CATSPERD: variants seen among roughly 807,000 people sequenced by gnomAD.
CATSPERD encodes cation channel sperm-associated auxiliary subunit delta.
CATSPERD carries 86 observed loss-of-function variants against 98.1 expected under a neutral mutation model. The observed-to-expected ratio is 0.88, with a 90% CI of 0.74 to 1.05. The LOEUF (loss-of-function observed/expected upper bound fraction) is 1.05. Among genes scored for constraint, CATSPERD ranks in the 50% least tolerant of loss-of-function variants. The pLI, the probability that CATSPERD is intolerant of heterozygous loss-of-function variation, is 0.00. For missense variants in CATSPERD, 995 were observed against 1,005.7 expected (o/e 0.99, Z 0.14); for synonymous variants, 394 against 390.2 (o/e 1.01, Z -0.12).
chr19:5,742,616 C>G (rs970729001), intron 7 of CATSPERD, among the ~76,000 whole-genome samples: 4 of 151,784 alleles, frequency 2.6e-5, no homozygotes, highest in South Asian at 2.1e-4. Flanking sequence ...ACCCACCCCC[C>G]ACCATATCTA....
At chr19:5,746,417 G>C (rs574090782) in intron 9 of CATSPERD, among the ~76,000 whole-genome samples, 1 of 148,762 alleles carries the variant, frequency 6.7e-6, no homozygotes, top group Admixed American at 6.9e-5. Context: ...AGGAGGCTTC[G>C]TATTTAACAT....
chr19:5,770,921 C>G (rs753409290), intron 18 of CATSPERD, 23 bp from the exon 19 acceptor site: 4 of 1,589,286 alleles, frequency 2.5e-6, no homozygotes, highest in Admixed American at 3.6e-5. Context: ...GACTCCCCAT[C>G]TCTGCTTCTT....
Position 5,730,985 on chromosome 19 carries a change from G to C in CATSPERD, c.276+1041G>C, listed in dbSNP as rs767647038. 9.0e-4 allele frequency among the ~76,000 whole-genome samples: 136 copies of C among 151,104 alleles called. 2 individuals carry two copies. The highest frequency in any genetic ancestry group is 4.0e-4 in the Non-Finnish European group (27 of 67,752). ...CACTGCACTCCAACCCCAGCTATTC[G>C]GGAGGCTGAGGCAGGAGAATGGCAT... On this transcript the variant is annotated intron_variant, in intron 4 of 21. Transcript: ENST00000381624.
chr19:5,769,915 C>T (rs2056613214), intron 18 of CATSPERD, among the ~76,000 whole-genome samples: 1 of 151,484 alleles, frequency 6.6e-6, no homozygotes, highest in African/African-American at 2.4e-5. Flanking sequence ...ATGGTGAAAT[C>T]CCGTCTCTAC....
intron 11 of CATSPERD, among the ~76,000 whole-genome samples, chr19:5,750,273 C>T (rs867085361): frequency 1.1e-4 from 16 of 147,896 alleles, no homozygotes; most frequent in South Asian, 2.2e-4. Context: ...ACGGTGAAAC[C>T]CCGTCTCTAC....
rs2145838227 is a variant in CATSPERD, at chr19:5,765,007, C to T, written c.1507-1096C>T. 2.6e-5 allele frequency among the ~76,000 whole-genome samples: 4 copies of T among 152,038 alleles called. No individual in the cohort carries two copies. In the South Asian group the frequency reaches 8.3e-4, roughly 32 times the overall value. On this transcript the variant is annotated intron_variant, in intron 16 of 21. Transcript: ENST00000381624. ...CTCACTGCAGCCTCAACCTTCTAGG[C>T]TCAAGTGATCTTCCTGCCTCAGCCT...
chr19:5,733,058 A>T (rs1029060169), intron 4 of CATSPERD, among the ~76,000 whole-genome samples: 1 of 150,854 alleles, frequency 6.6e-6, no homozygotes, highest in Admixed American at 6.6e-5. Context: ...CTGTAGTGCA[A>T]TCTCGGCTCA....
At chr19:5,776,463 T>A in intron 21 of CATSPERD, 148 bp downstream of exon 21, 1 of 857,512 alleles carries the variant, frequency 1.2e-6, no homozygotes, top group South Asian at 1.7e-5. Flanking sequence ...TTTTAAGTTC[T>A]GGGTGACATT....
chr19:5,769,332 G>T (rs959594660), intron 18 of CATSPERD, among the ~76,000 whole-genome samples: 33 of 151,608 alleles, frequency 2.2e-4, no homozygotes, highest in African/African-American at 8.0e-4. Context: ...GTGGGATGGG[G>T]GGAGGAGGTG....
chr19:5,758,770 A>C (rs145466085), intron 14 of CATSPERD, among the ~76,000 whole-genome samples: 12 of 151,220 alleles, frequency 7.9e-5, no homozygotes, highest in Admixed American at 2.6e-4. Flanking sequence ...AAAAAAAGGC[A>C]AACATTAGCC....
At chr19:5,767,173 C>T (rs1350885345) in intron 17 of CATSPERD, among the ~76,000 whole-genome samples, 2 of 150,400 alleles carry the variant, frequency 1.3e-5, no homozygotes, top group East Asian at 2.1e-4. Flanking sequence ...AAAAATTAGC[C>T]GGGCGCATTG....
intron 2 of CATSPERD, among the ~76,000 whole-genome samples, chr19:5,726,968 T>G (rs1188529706): frequency 6.6e-6 from 1 of 151,882 alleles, no homozygotes; most frequent in African/African-American, 2.4e-5. Flanking sequence ...CCAAGGCAGG[T>G]GGATCACAAG....
rs1264091337 is a variant in CATSPERD, at chr19:5,742,279, CGT to C, written c.574-2140_574-2139del. ...GTGGGTGTGCGTGTGCATGTGTGTA[CGT>C]GTGTGTGCGTGTGTACGTATGTGAA... is the stretch of plus-strand genomic sequence containing the variant. On this transcript the variant is annotated intron_variant, in intron 7 of 21. Coordinates refer to ENST00000381624, the MANE Select transcript of CATSPERD (RefSeq NM_152784.4). Among the ~76,000 whole-genome samples, 29 of 131,850 alleles carry C rather than the reference CGT, an allele frequency of 2.2e-4. No individual in the cohort carries two copies. The East Asian group carries it at 4.7e-3, about 22-fold the overall frequency. 86.5% of individuals were successfully genotyped at this position (131,850 alleles called of 152,430 possible).
At position 5,760,102 on chromosome 19, in the gene CATSPERD, G is replaced by A. The variant is rs574067633; in HGVS notation, c.1427+958G>A. 3.3e-3 allele frequency among the ~76,000 whole-genome samples: 471 copies of A among 140,656 alleles called. 1 individual carries two copies. The highest frequency in any genetic ancestry group is 0.012 in the African/African-American group (452 of 38,042). The allele number at this position is 140,656 out of a possible 152,430, so 92.3% of individuals were successfully genotyped here. A position where few individuals can be genotyped will look rare whatever the true frequency, so the allele number is the denominator to read the frequency against. Reference sequence around the variant, plus strand: ...AAAAAAAAAAAAAAAAAAAAAGGCCGGGGGCTGTGGCCCACAACACTTTGG... The same window carrying A: ...AAAAAAAAAAAAAAAAAAAAAGGCCAGGGGCTGTGGCCCACAACACTTTGG... On this transcript the variant is annotated intron_variant, in intron 15 of 21. Transcript: ENST00000381624.
chr19:5,732,939 A>T (rs2055756509), intron 4 of CATSPERD, among the ~76,000 whole-genome samples: 1 of 151,294 alleles, frequency 6.6e-6, no homozygotes, highest in Non-Finnish European at 1.5e-5. Flanking sequence ...GGCTTCCTGA[A>T]GTGTTGGTAT....
intron 7 of CATSPERD, among the ~76,000 whole-genome samples, chr19:5,740,794 C>T (rs1293803704): frequency 6.6e-6 from 1 of 150,716 alleles, no homozygotes; most frequent in Non-Finnish European, 1.5e-5. Flanking sequence ...AAAGCTAGCG[C>T]CCAGCCGTGT....
intron 5 of CATSPERD, among the ~76,000 whole-genome samples, chr19:5,736,733 T>C (rs747336114): frequency 6.7e-6 from 1 of 150,206 alleles, no homozygotes; most frequent in African/African-American, 2.5e-5. Context: ...AGAGGGGGAC[T>C]CTCTCTCAAA....
chr19:5,761,550 A>T (rs1208239713), intron 15 of CATSPERD, among the ~76,000 whole-genome samples: 1 of 152,294 alleles, frequency 6.6e-6, no homozygotes, highest in Non-Finnish European at 1.5e-5. Flanking sequence ...TAATTGACTC[A>T]CAGTTCCTCA....
At chr19:5,762,658 T>A (rs1162319743) in intron 15 of CATSPERD, among the ~76,000 whole-genome samples, 2 of 148,314 alleles carry the variant, frequency 1.3e-5, no homozygotes, top group Non-Finnish European at 3.0e-5. Flanking sequence ...AATGGATAGA[T>A]GGATGAGTGA....
Sources: allele counts gnomAD v4.1 joint callset (sites outside exome capture counted in the v4.1 genomes callset), GRCh38; gene constraint gnomAD v4.1.1; transcripts MANE v1.5; gene names NCBI Gene and HGNC (gene_info 2026-07-23, HGNC 2026-07-21).